The following DGKB variants were observed in gnomAD, a reference collection of about 807,000 sequenced individuals.
DGKB encodes the protein 90 kDa diacylglycerol kinase.
A neutral mutation model predicts 114.3 loss-of-function variants in DGKB; 67 were observed. The observed-to-expected ratio is 0.59, with a 90% CI of 0.48 to 0.72. DGKB has a LOEUF of 0.72. DGKB is among the 30% of genes least tolerant of loss of function. The pLI is 0.00. For synonymous variants in DGKB, 398 were observed against 323.1 expected (o/e 1.23, Z -2.49); for missense variants, 907 against 975.2 (o/e 0.93, Z 0.93).
intron 20 of DGKB, among the ~76,000 whole-genome samples, chr7:14,483,334 CA>C (rs1376680523): frequency 6.6e-6 from 1 of 152,158 alleles, no homozygotes; most frequent in African/African-American, 2.4e-5. Context: ...TCTACTTTAA[CA>C]TGTCCACAAA....
intron 21 of DGKB, among the ~76,000 whole-genome samples, chr7:14,439,786 C>G (rs529851400): frequency 5.3e-5 from 8 of 150,830 alleles, no homozygotes; most frequent in Non-Finnish European, 1.0e-4. Context: ...ATTGCTTGAG[C>G]CTGGGAGACA....
intron 1 of DGKB, among the ~76,000 whole-genome samples, chr7:14,961,337 C>A (rs529335911): frequency 2.0e-5 from 3 of 152,084 alleles, no homozygotes; most frequent in African/African-American, 4.8e-5. Flanking sequence ...CTGCTGATAA[C>A]GCCAAGACTC....
At chr7:14,615,029 T>A (rs1031003514) in intron 15 of DGKB, among the ~76,000 whole-genome samples, 1 of 152,094 alleles carries the variant, frequency 6.6e-6, no homozygotes, top group Non-Finnish European at 1.5e-5. Flanking sequence ...CAAACAACTA[T>A]ATCTAAAAAC....
At chr7:14,469,644 C>T (rs10264964) in intron 21 of DGKB, among the ~76,000 whole-genome samples, 1 of 151,886 alleles carries the variant, frequency 6.6e-6, no homozygotes, top group African/African-American at 2.4e-5. Flanking sequence ...AATTGAAACC[C>T]CCTGCATGAG....
intron 5 of DGKB, among the ~76,000 whole-genome samples, chr7:14,732,718 C>T (rs897525185): frequency 3.3e-5 from 5 of 152,080 alleles, no homozygotes; most frequent in African/African-American, 4.8e-5. Context: ...GTGTAGAATG[C>T]GTAATTTTCC....
chr7:14,970,882 C>T (rs530954794), intron 1 of DGKB, among the ~76,000 whole-genome samples: 11 of 152,230 alleles, frequency 7.2e-5, no homozygotes, highest in African/African-American at 2.4e-4. Flanking sequence ...AGATGGACAG[C>T]GTACACTAGG....
At chr7:14,673,338 C>A (rs2128949931) in intron 12 of DGKB, among the ~76,000 whole-genome samples, 1 of 150,932 alleles carries the variant, frequency 6.6e-6, no homozygotes, top group South Asian at 2.1e-4. Context: ...AATTATTGTC[C>A]ATTACAGTTC....
chr7:14,628,078 T>A (rs138023479), intron 14 of DGKB, among the ~76,000 whole-genome samples: 1 of 152,264 alleles, frequency 6.6e-6, no homozygotes, highest in African/African-American at 2.4e-5. Flanking sequence ...AGGAGGCAGC[T>A]CTCTTATGCT....
intron 21 of DGKB, among the ~76,000 whole-genome samples, chr7:14,438,036 C>G (rs1306119938): frequency 6.6e-6 from 1 of 151,900 alleles, no homozygotes; most frequent in Non-Finnish European, 1.5e-5. Flanking sequence ...ATTATCTACA[C>G]TGCTATACTG....
intron 23 of DGKB, among the ~76,000 whole-genome samples, chr7:14,285,302 C>CTGAT (rs1321542565): frequency 2.0e-5 from 3 of 152,264 alleles, no homozygotes; most frequent in African/African-American, 4.8e-5. Flanking sequence ...AGGCAAGTCA[C>CTGAT]TGATTGAGTC....
At chr7:14,432,364 A>G (rs1000663779) in intron 21 of DGKB, among the ~76,000 whole-genome samples, 3 of 151,764 alleles carry the variant, frequency 2.0e-5, no homozygotes. Flanking sequence ...CCCCATCATC[A>G]CTCCCTCCGT....
chr7:14,484,362 C>G (rs1783448475), intron 20 of DGKB, among the ~76,000 whole-genome samples: 1 of 151,998 alleles, frequency 6.6e-6, no homozygotes, highest in African/African-American at 2.4e-5. Flanking sequence ...ATTGTGGTAC[C>G]CAGTGTTGGA....
At chr7:14,697,328 A>G (rs569939948) in intron 8 of DGKB, among the ~76,000 whole-genome samples, 6 of 152,304 alleles carry the variant, frequency 3.9e-5, no homozygotes, top group African/African-American at 1.4e-4. Flanking sequence ...AAAATAGTGT[A>G]TCTACCTCAG....
intron 20 of DGKB, among the ~76,000 whole-genome samples, chr7:14,487,132 G>A (rs28574740): frequency 0.023 from 3,479 of 152,230 alleles, 75 homozygotes; most frequent in African/African-American, 0.06. Flanking sequence ...CCAGACTGCC[G>A]AGTGGTAGTT....
intron 23 of DGKB, among the ~76,000 whole-genome samples, chr7:14,205,937 A>G (rs1786727562): frequency 6.6e-6 from 1 of 152,060 alleles, no homozygotes; most frequent in Non-Finnish European, 1.5e-5. Flanking sequence ...AGATCAATTG[A>G]TTGACAGGTA....
chr7:14,251,902 C>T (rs1795299898), intron 23 of DGKB, among the ~76,000 whole-genome samples: 1 of 152,066 alleles, frequency 6.6e-6, no homozygotes, highest in South Asian at 2.1e-4. Flanking sequence ...TGTAACAATT[C>T]ACTCTTCTCT....
intron 21 of DGKB, among the ~76,000 whole-genome samples, chr7:14,367,157 T>C (rs960611195): frequency 2.6e-5 from 4 of 152,128 alleles, no homozygotes; most frequent in African/African-American, 9.7e-5. Context: ...TGATAGTCTA[T>C]AGTGTACTGT....
chr7:14,896,848 T>G (rs1271423726), intron 1 of DGKB, among the ~76,000 whole-genome samples: 1 of 151,848 alleles, frequency 6.6e-6, no homozygotes, highest in Non-Finnish European at 1.5e-5. Context: ...CAATAAAACT[T>G]CTTTTCATAT....
At chr7:14,639,788 T>C (rs1025860323) in intron 13 of DGKB, among the ~76,000 whole-genome samples, 6 of 152,220 alleles carry the variant, frequency 3.9e-5, no homozygotes, top group South Asian at 2.1e-4. Context: ...AAGAACTTTT[T>C]CTCCCTCCAT....
Sources: allele counts gnomAD v4.1 joint callset (sites outside exome capture counted in the v4.1 genomes callset), GRCh38; gene constraint gnomAD v4.1.1; transcripts MANE v1.5; gene names NCBI Gene and HGNC (gene_info 2026-07-23, HGNC 2026-07-21).